The following CYP2C19 variants were observed in gnomAD, a reference collection of about 807,000 sequenced individuals.
CYP2C19 encodes the protein cytochrome P450 family 2 subfamily C member 19.
Under a neutral mutation model 40.9 loss-of-function variants are expected in CYP2C19, and 59 were observed. That is an observed-to-expected ratio of 1.44 (90% CI 1.17 to 1.79). The LOEUF is 1.79. Among genes scored for constraint, CYP2C19 ranks in the 40% most tolerant of loss-of-function variants. The pLI is 0.00. For synonymous variants in CYP2C19, 253 were observed against 208.7 expected (o/e 1.21, Z -1.83); for missense variants, 754 against 596.9 (o/e 1.26, Z -2.74).
Position 94,855,460 on chromosome 10 carries a change from G to A in CYP2C19, c.*2546G>A, listed in dbSNP as rs1564688331. On this transcript the variant is annotated 3_prime_UTR_variant, in exon 9 of 9. Transcript: ENST00000371321. ...CTTCCCTAAAATACATATTTCATAT[G>A]AGAAGAGAACTTTATTTGGCTCACT... Among the ~76,000 whole-genome samples, 1 of 152,312 alleles carries A rather than the reference G, an allele frequency of 6.6e-6. No homozygotes were observed. The highest frequency in any genetic ancestry group is 2.1e-4 in the South Asian group (1 of 4,828).
At chr10:94,820,252 G>A (rs1245143489) in intron 5 of CYP2C19, among the ~76,000 whole-genome samples, 1 of 151,818 alleles carries the variant, frequency 6.6e-6, no homozygotes, top group Non-Finnish European at 1.5e-5. Flanking sequence ...AAAATAATAA[G>A]AGCTATCTAT....
intron 5 of CYP2C19, among the ~76,000 whole-genome samples, chr10:94,818,827 C>T (rs565370824): frequency 6.6e-6 from 1 of 151,582 alleles, no homozygotes; most frequent in South Asian, 2.1e-4. Flanking sequence ...ACAATCATGT[C>T]GTCTGCAAAC....
At chr10:94,819,450 AG>A (rs1849075153) in intron 5 of CYP2C19, among the ~76,000 whole-genome samples, 1 of 54,638 alleles carries the variant, frequency 1.8e-5, no homozygotes, top group Admixed American at 2.1e-4. Context: ...TGAATCCAGG[AG>A]CTGGTTTTTT....
intron 4 of CYP2C19, among the ~76,000 whole-genome samples, chr10:94,780,955 C>A (rs1292622747): frequency 6.6e-6 from 1 of 152,142 alleles, no homozygotes; most frequent in Non-Finnish European, 1.5e-5. Context: ...CCAAAGCGTG[C>A]TTATATCACT....
intron 5 of CYP2C19, among the ~76,000 whole-genome samples, chr10:94,786,009 G>C (rs928293146): frequency 2.0e-5 from 3 of 151,852 alleles, no homozygotes; most frequent in Admixed American, 6.6e-5. Context: ...TGCCTTTTCC[G>C]GCCTGCCTAT....
intron 8 of CYP2C19, among the ~76,000 whole-genome samples, chr10:94,850,473 T>C (rs374593289): frequency 2.0e-5 from 3 of 152,156 alleles, no homozygotes; most frequent in Admixed American, 2.0e-4. Flanking sequence ...AAAATTATCC[T>C]CAAACACAGA....
At chr10:94,852,343 G>A (rs1270474923) in intron 8 of CYP2C19, among the ~76,000 whole-genome samples, 1 of 152,196 alleles carries the variant, frequency 6.6e-6, no homozygotes, top group Non-Finnish European at 1.5e-5. Flanking sequence ...TGCCGAATGT[G>A]AGCCTCCTCC....
chr10:94,793,726 G>T (rs557311727), intron 5 of CYP2C19, among the ~76,000 whole-genome samples: 1 of 152,248 alleles, frequency 6.6e-6, no homozygotes, highest in Admixed American at 6.5e-5. Flanking sequence ...TGGAAGCTTT[G>T]TCTCAAAGGA....
Position 94,820,625 on chromosome 10 carries a change from C to G in CYP2C19, c.949C>G (p.Pro317Ala). 1 of 1,614,094 alleles carries G rather than the reference C, an allele frequency of 6.2e-7. No homozygotes were observed. The highest frequency in any genetic ancestry group is 1.1e-5 in the South Asian group (1 of 91,084). ...TGCTCTCCTTCTCCTGCTGAAGCAC[C>G]CAGAGGTCACAGGTATGATCACAGA... ...RYALLLLLKH[P>A]EVTAKVQEEI... Residue 317 changes from proline (P) to alanine (A), a missense_variant, in exon 6 of 9, where the codon CCA becomes GCA. By Grantham distance (27) the Pro-to-Ala change is conservative. Transcript: ENST00000371321.
chr10:94,828,148 G>C (rs1323316867), intron 6 of CYP2C19, among the ~76,000 whole-genome samples: 1 of 152,110 alleles, frequency 6.6e-6, no homozygotes, highest in Non-Finnish European at 1.5e-5. Flanking sequence ...TGTTGATTTG[G>C]GGTGGAGAGT....
chr10:94,841,171 GT>G (rs1589375920), intron 6 of CYP2C19, among the ~76,000 whole-genome samples: 1 of 152,178 alleles, frequency 6.6e-6, no homozygotes, highest in Non-Finnish European at 1.5e-5. Context: ...TGCAGTGAGT[GT>G]TATAGCTCTA....
At position 94,842,965 on chromosome 10, in the gene CYP2C19, A is replaced by AC; in HGVS notation, c.1092dup (p.Ser365GlnfsTer9). 9 of 1,614,192 alleles carry AC rather than the reference A, an allele frequency of 5.6e-6. No homozygotes were observed. The highest frequency in any genetic ancestry group is 1.7e-5 in the Admixed American group (1 of 60,026). ...CCAGAGATACATCGACCTCATCCCC[A>AC]CCAGCCTGCCCCATGCAGTGACCTG... is the stretch of plus-strand genomic sequence containing the variant. On this transcript the variant is annotated frameshift_variant, in exon 7 of 9. Transcript: ENST00000371321. LOFTEE classifies it high-confidence loss of function.
chr10:94,779,006 CAG>C (rs1848447719), intron 3 of CYP2C19, among the ~76,000 whole-genome samples: 1 of 152,022 alleles, frequency 6.6e-6, no homozygotes, highest in African/African-American at 2.4e-5. Flanking sequence ...AGCAAACTAA[CAG>C]AGGAACAGAA....
chr10:94,773,830 T>C (rs76418162), intron 1 of CYP2C19: 11,579 of 152,254 alleles, frequency 0.076, 513 homozygotes, highest in South Asian at 0.12. Flanking sequence ...ACTTCCACAA[T>C]ATGGAAGGGG....
At chr10:94,785,779 G>A (rs541157252) in intron 5 of CYP2C19, among the ~76,000 whole-genome samples, 61 of 152,248 alleles carry the variant, frequency 4.0e-4, no homozygotes, top group South Asian at 1.2e-3. Context: ...AATGCTGATA[G>A]GAAAGAACTA....
rs1175575589 is a variant in CYP2C19, at chr10:94,854,622, GATGTAC to G, written c.*1717_*1722del. On this transcript the variant is annotated 3_prime_UTR_variant, in exon 9 of 9. Coordinates refer to ENST00000371321, the MANE Select transcript of CYP2C19 (RefSeq NM_000769.4). ...CATTTAAAGATAATATATGGGTACA[GATGTAC>G]ATGTACATCTATGCATGTGTGTGTA... Among the ~76,000 whole-genome samples, 13 of 152,102 alleles carry G rather than the reference GATGTAC, an allele frequency of 8.5e-5. No individual in the cohort carries two copies. The highest frequency in any genetic ancestry group is 8.8e-5 in the Non-Finnish European group (6 of 67,990).
rs567350684 is a variant in CYP2C19 at position 94,798,616 on chromosome 10, G to A, written c.819+16619G>A. Among the ~76,000 whole-genome samples the A allele has an allele frequency of 5.9e-5, 9 of 152,138 alleles. No individual in the cohort carries two copies. In the South Asian group the frequency reaches 1.9e-3, roughly 32 times the overall value. ...TGTTAAAGTCTGCCATTATTATTGT[G>A]TGGGAGCCTAAGTCTTTGTAGGTCT... On this transcript the variant is annotated intron_variant, in intron 5 of 8. Transcript: ENST00000371321.
chr10:94,841,997 T>A (rs1849502230), intron 6 of CYP2C19, among the ~76,000 whole-genome samples: 1 of 152,218 alleles, frequency 6.6e-6, no homozygotes, highest in Non-Finnish European at 1.5e-5. Context: ...TGCAAATATC[T>A]ATTAGACCCA....
At chr10:94,823,646 A>T (rs1166314845) in intron 6 of CYP2C19, among the ~76,000 whole-genome samples, 2 of 152,206 alleles carry the variant, frequency 1.3e-5, no homozygotes, top group African/African-American at 4.8e-5. Flanking sequence ...AAAAACTTTC[A>T]GAGCTATACC....
Sources: gnomAD v4.1 joint callset for allele counts (sites outside exome capture counted in the v4.1 genomes callset) on GRCh38, gnomAD v4.1.1 for gene constraint, MANE v1.5 for transcripts, NCBI Gene and HGNC (gene_info 2026-07-23, HGNC 2026-07-21) for gene names.